EDAR: variants seen among roughly 807,000 people sequenced by gnomAD.
The protein encoded by EDAR is tumor necrosis factor receptor superfamily member EDAR.
EDAR carries 38 observed loss-of-function variants against 51.3 expected under a neutral mutation model. The ratio of observed to expected loss-of-function variants is 0.74; its 90% confidence interval spans 0.57 to 0.97. The LOEUF (loss-of-function observed/expected upper bound fraction) is 0.97, where lower values mean the gene tolerates loss of function less well. EDAR is among the 50% of genes least tolerant of loss of function. The probability of loss-of-function intolerance (pLI) is 0.00; values close to 1 mark genes in which losing one functional copy is unlikely to be tolerated. For synonymous variants in EDAR, 227 were observed against 242.1 expected, an observed-to-expected ratio of 0.94 and a Z score of 0.58; for missense variants, 528 against 595.0, an observed-to-expected ratio of 0.89 and a Z score of 1.17.
intron 11 of EDAR, among the ~76,000 whole-genome samples, chr2:108,903,505 T>C (rs1239828854): frequency 6.6e-6 from 1 of 152,134 alleles, no homozygotes; most frequent in Non-Finnish European, 1.5e-5. Flanking sequence ...TATTACATAA[T>C]TTATACAAGA....
intron 1 of EDAR, among the ~76,000 whole-genome samples, chr2:108,939,788 T>C (rs1697555148): frequency 6.6e-6 from 1 of 152,244 alleles, no homozygotes; most frequent in South Asian, 2.1e-4. Flanking sequence ...CTCATTTCTT[T>C]GCTCTCATCA....
chr2:108,931,981 A>C (rs1028070758), intron 1 of EDAR, among the ~76,000 whole-genome samples: 9 of 152,138 alleles, frequency 5.9e-5, no homozygotes, highest in Non-Finnish European at 1.3e-4. Context: ...CACAGCCCAG[A>C]AGACCAGCTG....
chr2:108,987,454 C>T (rs752029441), intron 1 of EDAR, among the ~76,000 whole-genome samples: 4 of 152,226 alleles, frequency 2.6e-5, no homozygotes, highest in Non-Finnish European at 4.4e-5. Context: ...TACCATGATG[C>T]CTGAGAAACA....
intron 10 of EDAR, among the ~76,000 whole-genome samples, chr2:108,906,889 C>T (rs989891829): frequency 1.3e-5 from 2 of 152,050 alleles, no homozygotes; most frequent in Non-Finnish European, 1.5e-5. Context: ...TCACTGAACT[C>T]GGGGCAGGCA....
chr2:108,953,597 T>C (rs1368862268), intron 1 of EDAR, among the ~76,000 whole-genome samples: 1 of 152,154 alleles, frequency 6.6e-6, no homozygotes, highest in Non-Finnish European at 1.5e-5. Context: ...TCCAGTTCTA[T>C]AGTTGTTTTT....
chr2:108,960,622 G>A (rs1251364747), intron 1 of EDAR, among the ~76,000 whole-genome samples: 3 of 152,058 alleles, frequency 2.0e-5, no homozygotes, highest in Non-Finnish European at 1.5e-5. Context: ...ATATTTTCCT[G>A]ATTGTAAAAA....
chr2:108,983,869 G>A (rs932423174), intron 1 of EDAR, among the ~76,000 whole-genome samples: 3 of 152,238 alleles, frequency 2.0e-5, no homozygotes, highest in South Asian at 2.1e-4. Context: ...GAGCCACTGC[G>A]TCCCCACTCC....
chr2:108,970,076 C>A (rs1030629617), intron 1 of EDAR, among the ~76,000 whole-genome samples: 1 of 152,302 alleles, frequency 6.6e-6, no homozygotes, highest in South Asian at 2.1e-4. Context: ...AAGACACTTT[C>A]CCCTGTGGAA....
chr2:108,912,887 G>T, intron 5 of EDAR, 123 bp from the exon 6 acceptor site: 1 of 773,770 alleles, frequency 1.3e-6, no homozygotes, highest in African/African-American at 1.7e-5. Context: ...TGGCTGAGGG[G>T]AGCTAAATAT....
chr2:108,927,659 G>A (rs777661206), intron 4 of EDAR, among the ~76,000 whole-genome samples: 8 of 151,884 alleles, frequency 5.3e-5, no homozygotes, highest in Non-Finnish European at 1.0e-4. Flanking sequence ...CTACTACAGC[G>A]GCCCCCAGCA....
chr2:108,928,520 ACACCAC>A (rs1383395145), intron 4 of EDAR, among the ~76,000 whole-genome samples: 1 of 152,182 alleles, frequency 6.6e-6, no homozygotes, highest in Non-Finnish European at 1.5e-5. Context: ...TGTACCAGGG[ACACCAC>A]CACTGCTTTT....
chr2:108,960,216 T>C (rs1306142482), intron 1 of EDAR, among the ~76,000 whole-genome samples: 1 of 152,150 alleles, frequency 6.6e-6, no homozygotes, highest in East Asian at 1.9e-4. Flanking sequence ...GGGCTGCAGT[T>C]TCTCTATTTG....
intron 1 of EDAR, among the ~76,000 whole-genome samples, chr2:108,986,478 C>G (rs779223583): frequency 6.6e-6 from 1 of 152,122 alleles, no homozygotes; most frequent in Non-Finnish European, 1.5e-5. Context: ...GTGTTGGAGG[C>G]AGAGGACACA....
At chr2:108,960,137 G>C (rs964632376) in intron 1 of EDAR, among the ~76,000 whole-genome samples, 2 of 152,206 alleles carry the variant, frequency 1.3e-5, no homozygotes, top group Non-Finnish European at 2.9e-5. Context: ...GTGCTAAGAG[G>C]AGCGGGGTGG....
intron 11 of EDAR, among the ~76,000 whole-genome samples, 193 bp downstream of exon 11, chr2:108,906,115 C>G (rs1362927886): frequency 6.6e-6 from 1 of 152,224 alleles, no homozygotes; most frequent in African/African-American, 2.4e-5. Flanking sequence ...CTGGGAGATG[C>G]CTTCCGATAT....
At position 108,929,332 on chromosome 2, in the gene EDAR, G is replaced by T. The variant is rs1349262328; in HGVS notation, c.222C>A (p.Cys74Ter). The change falls in exon 4 of 12, where the codon TGC becomes TGA. Residue 74 changes from cysteine (C) to a stop codon, truncating the protein, a stop_gained. Coordinates refer to ENST00000258443, the MANE Select transcript of EDAR (RefSeq NM_022336.4). LOFTEE classifies it high-confidence loss of function. ...CTCCTTTGGAAAACTTCTCCGCCGG[G>T]CAGGGGACGCAGCCGTAGTCCTCGT... ...TKDEDYGCVP[C>*]PAEKFSKGGY... 6.2e-7 allele frequency: 1 copy of T among 1,614,144 alleles called. No individual in the cohort carries two copies. Among genetic ancestry groups the T allele is most frequent in the South Asian group, 1.1e-5 (1 of 91,078 alleles).
intron 1 of EDAR, among the ~76,000 whole-genome samples, chr2:108,947,378 C>T (rs1697733183): frequency 6.6e-6 from 1 of 152,124 alleles, no homozygotes; most frequent in African/African-American, 2.4e-5. Flanking sequence ...ATTCTCGGGT[C>T]TGGAAAATGG....
chr2:108,966,025 C>T (rs778129507), intron 1 of EDAR, among the ~76,000 whole-genome samples: 13 of 152,196 alleles, frequency 8.5e-5, no homozygotes, highest in Non-Finnish European at 1.3e-4. Context: ...ACAACTGGGG[C>T]TGTTAATACC....
intron 1 of EDAR, among the ~76,000 whole-genome samples, chr2:108,983,579 G>A (rs766166577): frequency 7.2e-5 from 11 of 152,192 alleles, no homozygotes; most frequent in East Asian, 1.9e-4. Context: ...CTCCTCCCTC[G>A]TGATCCATCT....
Sources: allele counts gnomAD v4.1 joint callset (sites outside exome capture counted in the v4.1 genomes callset), GRCh38; gene constraint gnomAD v4.1.1; transcripts MANE v1.5; gene names NCBI Gene and HGNC (gene_info 2026-07-23, HGNC 2026-07-21).